Variants in KIF26B observed in about 807,000 individuals in gnomAD.
The protein encoded by KIF26B is kinesin-like protein KIF26B.
In KIF26B, 63 loss-of-function variants were observed where a neutral mutation model predicts 151.2. That is an observed-to-expected ratio of 0.42 (90% CI 0.34 to 0.51). The LOEUF (loss-of-function observed/expected upper bound fraction) is 0.51. Among genes scored for constraint, KIF26B ranks in the 20% least tolerant of loss-of-function variants. The pLI, the probability that KIF26B is intolerant of heterozygous loss-of-function variation, is 0.07. For missense variants in KIF26B, 2,813 were observed against 2,913.6 expected (o/e 0.97, Z 0.79); for synonymous variants, 1,357 against 1,262.1 (o/e 1.08, Z -1.59).
chr1:245,390,942 A>AAAAACAAAACAAAAC (rs1558147941), intron 3 of KIF26B, among the ~76,000 whole-genome samples: 1 of 145,268 alleles, frequency 6.9e-6, no homozygotes, highest in African/African-American at 2.6e-5. Context: ...AAAAAAAAAA[A>AAAAACAAAACAAAAC]AAAAAAAAAA....
intron 2 of KIF26B, among the ~76,000 whole-genome samples, chr1:245,168,402 T>C (rs1002278023): frequency 2.0e-5 from 3 of 152,242 alleles, no homozygotes; most frequent in Non-Finnish European, 2.9e-5. Flanking sequence ...TCCTGTTTCT[T>C]AATAAAGCTA....
At position 245,687,779 on chromosome 1, in the gene KIF26B, C is replaced by A; in HGVS notation, c.4796C>A (p.Pro1599His). 3 of 1,584,790 alleles carry A rather than the reference C, an allele frequency of 1.9e-6. No homozygotes were observed. The highest frequency in any genetic ancestry group is 2.6e-6 in the Non-Finnish European group (3 of 1,166,222). The change falls in exon 12 of 15, where the codon CCC becomes CAC. Residue 1599 changes from proline to histidine, a missense_variant. By Grantham distance (77) the Pro-to-His change is moderately conservative (BLOSUM62 -2). This residue lies in a region of KIF26B where 2,060 missense variants were observed against 2,088.6 expected (regional missense o/e 0.99). Coordinates refer to ENST00000407071, the MANE Select transcript of KIF26B (RefSeq NM_018012.4). The surrounding 1 kb of genome is among the most constrained non-coding windows in gnomAD (Gnocchi z 4.9). The part of the protein sequence containing the change: ...LARPKGTPPL[P>H]PVRKSSLDQK... ...CGGCCCAAAGGGACTCCCCCTCTGCCCCCTGTCCGAAAGTCCAGCCTGGAC... is the reference window on the plus strand; with the variant it reads ...CGGCCCAAAGGGACTCCCCCTCTGCACCCTGTCCGAAAGTCCAGCCTGGAC...
intron 4 of KIF26B, among the ~76,000 whole-genome samples, chr1:245,519,248 T>G (rs183333418): frequency 1.5e-3 from 227 of 152,058 alleles, no homozygotes; most frequent in African/African-American, 5.3e-3. Flanking sequence ...AGAAAAAAGG[T>G]TAGGTAAAAA....
intron 2 of KIF26B, among the ~76,000 whole-genome samples, chr1:245,205,995 C>T (rs2103540625): frequency 6.6e-6 from 1 of 152,192 alleles, no homozygotes; most frequent in East Asian, 1.9e-4. Context: ...ACCTCACCCT[C>T]CCAAAGTGCA....
chr1:245,240,162 CAA>C (rs202238351), intron 2 of KIF26B, among the ~76,000 whole-genome samples: 1 of 150,480 alleles, frequency 6.6e-6, no homozygotes, highest in Admixed American at 6.6e-5. Context: ...GACTCTGTCT[CAA>C]AAAAAAAGAG....
rs150490813 is a variant in KIF26B at position 245,564,394 on chromosome 1, G to A, written c.1350+23444G>A. 0.012 allele frequency among the ~76,000 whole-genome samples: 1,852 copies of A among 152,060 alleles called. 15 individuals are homozygous for A. Among genetic ancestry groups the A allele is most frequent in the Middle Eastern group, 0.034 (10 of 294 alleles). On this transcript the variant is annotated intron_variant, in intron 5 of 14. Coordinates refer to ENST00000407071, the MANE Select transcript of KIF26B (RefSeq NM_018012.4). The surrounding 1 kb of genome is among the most constrained non-coding windows in gnomAD (Gnocchi z 4.6). ...TTTCCCGGAGCAGGAACGGGGCCAC[G>A]GCCGTGTTTGCATTTTCTGAACCCA...
At chr1:245,670,729 G>A (rs2044276753) in intron 10 of KIF26B, among the ~76,000 whole-genome samples, 1 of 152,052 alleles carries the variant, frequency 6.6e-6, no homozygotes, top group South Asian at 2.1e-4. Flanking sequence ...ATTTTTGTGG[G>A]TACATAGTAG....
intron 2 of KIF26B, among the ~76,000 whole-genome samples, chr1:245,340,294 TAATAC>T (rs2102995440): frequency 6.6e-6 from 1 of 152,270 alleles, no homozygotes; most frequent in South Asian, 2.1e-4. Flanking sequence ...CTATAATACC[TAATAC>T]AATATAAATG....
intron 5 of KIF26B, among the ~76,000 whole-genome samples, chr1:245,588,465 G>T (rs1261716091): frequency 1.3e-5 from 2 of 152,140 alleles, no homozygotes; most frequent in Non-Finnish European, 2.9e-5. Context: ...CGTCTCATTA[G>T]CGTTTGCTCC....
At position 245,687,687 on chromosome 1, in the gene KIF26B, G is replaced by A. The variant is rs761816193; in HGVS notation, c.4704G>A (p.Ser1568=). The A allele has an allele frequency of 1.3e-6, 2 of 1,580,964 alleles. No individual in the cohort carries two copies. Among genetic ancestry groups the A allele is most frequent in the South Asian group, 1.2e-5 (1 of 85,982 alleles). ...AGACCAACGGGGTGGGTGCAGCCTC[G>A]GGCACCCCGCCCTCCAAGGCTACCC... ...AAETNGVGAA[S]GTPPSKATLE... is the part of the protein sequence containing the mutation. Residue 1568 remains serine (S), a synonymous_variant, in exon 12 of 15, where the codon TCG becomes TCA. Transcript: ENST00000407071. This position sits in a 1 kb window ranked among gnomAD's most constrained non-coding sequence, Gnocchi z 4.9.
At chr1:245,450,916 T>G (rs1223810421) in intron 4 of KIF26B, among the ~76,000 whole-genome samples, 1 of 152,232 alleles carries the variant, frequency 6.6e-6, no homozygotes, top group African/African-American at 2.4e-5. Flanking sequence ...GATGAATTTT[T>G]AAGATAGATA....
chr1:245,472,666 G>C (rs143699514), intron 4 of KIF26B, among the ~76,000 whole-genome samples: 25 of 152,308 alleles, frequency 1.6e-4, no homozygotes, highest in Non-Finnish European at 3.2e-4. Context: ...AGAGAAATAA[G>C]TGGCTGCCGT....
intron 3 of KIF26B, among the ~76,000 whole-genome samples, chr1:245,370,890 G>T (rs1673103166): frequency 6.6e-6 from 1 of 152,232 alleles, no homozygotes; most frequent in Non-Finnish European, 1.5e-5. Context: ...GTGCTAGGTG[G>T]TGGGTGGGGC....
chr1:245,240,464 T>C (rs1264257858), intron 2 of KIF26B, among the ~76,000 whole-genome samples: 2 of 152,164 alleles, frequency 1.3e-5, no homozygotes, highest in African/African-American at 4.8e-5. Flanking sequence ...TCCTGCATTT[T>C]CGGTTCGTTT....
intron 10 of KIF26B, among the ~76,000 whole-genome samples, chr1:245,662,283 G>GAT (rs779177176): frequency 7.0e-6 from 1 of 143,628 alleles, no homozygotes; most frequent in Non-Finnish European, 1.5e-5. Flanking sequence ...TACACCCAAT[G>GAT]ATATATATAC....
chr1:245,265,475 A>G (rs550321020), intron 2 of KIF26B, among the ~76,000 whole-genome samples: 1 of 152,268 alleles, frequency 6.6e-6, no homozygotes, highest in African/African-American at 2.4e-5. Flanking sequence ...CACATATCCT[A>G]TATACAAAAA....
At chr1:245,614,260 C>T (rs1035318623) in intron 9 of KIF26B, among the ~76,000 whole-genome samples, 8 of 152,076 alleles carry the variant, frequency 5.3e-5, no homozygotes, top group Non-Finnish European at 1.0e-4. Context: ...CTGCAACCTC[C>T]GCCTCCCGAG....
chr1:245,386,795 G>A (rs548748856), intron 3 of KIF26B, among the ~76,000 whole-genome samples: 15 of 152,314 alleles, frequency 9.8e-5, no homozygotes, highest in Admixed American at 5.2e-4. Flanking sequence ...GAAAAACAGT[G>A]CAGCATAAAA....
intron 6 of KIF26B, among the ~76,000 whole-genome samples, chr1:245,604,979 G>C (rs1007149272): frequency 2.0e-5 from 3 of 152,180 alleles, no homozygotes; most frequent in African/African-American, 7.2e-5. Context: ...TTCCCGAGCA[G>C]ACGTCCTTCC....
Sources: gnomAD v4.1 joint callset for allele counts (sites outside exome capture counted in the v4.1 genomes callset) on GRCh38, gnomAD v4.1.1 for gene constraint, gnomAD v4.1.1 regional missense constraint, Gnocchi (gnomAD v3.1) non-coding constraint, MANE v1.5 for transcripts, NCBI Gene and HGNC (gene_info 2026-07-23, HGNC 2026-07-21) for gene names.